The following XRCC5 variants were observed in gnomAD, a reference collection of about 807,000 sequenced individuals.
The protein encoded by XRCC5 is DNA repair protein Ku80.
A neutral mutation model predicts 95.7 loss-of-function variants in XRCC5; 12 were observed. The observed-to-expected ratio is 0.13, with a 90% CI of 0.08 to 0.20. The LOEUF (loss-of-function observed/expected upper bound fraction) is 0.20. Among genes scored for constraint, XRCC5 ranks in the 10% least tolerant of loss-of-function variants. The pLI is 1.00. For synonymous variants in XRCC5, 281 were observed against 290.3 expected (o/e 0.97, Z 0.33); for missense variants, 595 against 873.9 (o/e 0.68, Z 4.02).
chr2:216,195,383 T>TTCTTTTCTTTTCTTTTCTTC (rs1456205510), intron 19 of XRCC5, among the ~76,000 whole-genome samples: 4 of 140,394 alleles, frequency 2.8e-5, no homozygotes, highest in African/African-American at 5.2e-5. Context: ...TTCTTTTCTT[T>TTCTTTTCTTTTCTTTTCTTC]TCTTTTCTCT....
At chr2:216,187,821 A>ACACACACACT (rs1312215177) in intron 16 of XRCC5, among the ~76,000 whole-genome samples, 1 of 47,968 alleles carries the variant, frequency 2.1e-5, no homozygotes, top group Non-Finnish European at 3.6e-5. Context: ...ACACACACAC[A>ACACACACACT]CTCTCTCTCT....
intron 2 of XRCC5, among the ~76,000 whole-genome samples, chr2:216,114,656 C>T (rs1030490120): frequency 2.6e-5 from 4 of 152,154 alleles, no homozygotes; most frequent in Non-Finnish European, 5.9e-5. Context: ...GGGCATAAAA[C>T]TATCACTGTA....
chr2:216,161,969 T>C lies in XRCC5; in HGVS notation c.1765-10T>C, dbSNP rs1056026772. On this transcript the variant is annotated splice_polypyrimidine_tract_variant and intron_variant, in intron 15 of 20. Coordinates refer to ENST00000392132, the MANE Select transcript of XRCC5 (RefSeq NM_021141.4). ...AACCTGTAGGTTTATCATCTGTTGG[T>C]ATATTTTAGGTTGGAAGTGTGAATC... The C allele has an allele frequency of 5.6e-6, 9 of 1,613,170 alleles. No individual in the cohort carries two copies. The highest frequency in any genetic ancestry group is 1.3e-5 in the African/African-American group (1 of 74,890).
intron 4 of XRCC5, 46 bp downstream of exon 4, chr2:216,117,840 A>G: frequency 6.3e-7 from 1 of 1,576,356 alleles, no homozygotes; most frequent in Non-Finnish European, 8.7e-7. Flanking sequence ...TTTTTGCAAA[A>G]ATTGTATGGG....
chr2:216,187,434 T>C (rs984433200), intron 16 of XRCC5, among the ~76,000 whole-genome samples: 8 of 150,552 alleles, frequency 5.3e-5, no homozygotes, highest in African/African-American at 2.0e-4. Context: ...TATTTTTGTT[T>C]CTTTTGAATA....
chr2:216,198,456 T>C (rs1221911430), intron 19 of XRCC5, among the ~76,000 whole-genome samples: 1 of 152,242 alleles, frequency 6.6e-6, no homozygotes, highest in Admixed American at 6.5e-5. Flanking sequence ...ATTATGCTTT[T>C]GTGTCTGCTT....
intron 13 of XRCC5, among the ~76,000 whole-genome samples, chr2:216,144,656 A>G (rs1164259322): frequency 6.6e-6 from 1 of 152,228 alleles, no homozygotes; most frequent in Admixed American, 6.5e-5. Flanking sequence ...TTATTTTCAC[A>G]AGTGTTAAAT....
intron 16 of XRCC5, among the ~76,000 whole-genome samples, chr2:216,187,861 T>TCTCTCTCTCTCCCCCC (rs143232624): frequency 6.0e-5 from 7 of 116,270 alleles, no homozygotes; most frequent in African/African-American, 2.9e-4. Context: ...TCTCTCTCTC[T>TCTCTCTCTCTCCCCCC]CCCCGTCTCC....
In XRCC5 at chr2:216,160,152, T is replaced by C; in HGVS notation, c.1755T>C (p.Ser585=). 1.2e-6 allele frequency: 2 copies of C among 1,606,400 alleles called. No homozygotes were observed. The highest frequency in any genetic ancestry group is 1.1e-5 in the South Asian group (1 of 90,146). ...HFSVSSLAEG[S]VTSVGSVNPA... is the part of the protein sequence containing the mutation. ...GCGTCTCCAGTCTGGCTGAAGGCAG[T>C]GTCACCTCTGTAAGCTAAGCTTTTC... Residue 585 remains serine, a synonymous_variant, in exon 15 of 21, where the codon AGT becomes AGC. Coordinates refer to ENST00000392132, the MANE Select transcript of XRCC5 (RefSeq NM_021141.4).
At position 216,116,749 on chromosome 2, in the gene XRCC5, A is replaced by T; in HGVS notation, c.226A>T (p.Asn76Tyr). 6.2e-7 allele frequency: 1 copy of T among 1,614,256 alleles called. No individual in the cohort carries two copies. The highest frequency in any genetic ancestry group is 1.1e-5 in the South Asian group (1 of 91,088). Residue 76 changes from asparagine (N) to tyrosine (Y), a missense_variant, in exon 3 of 21, where the codon AAC becomes TAC. Asn to Tyr is a moderately radical substitution (Grantham distance 143). Transcript: ENST00000392132. ...CCTTTCTGGTGGGGATCAGTATCAG[A>T]ACATCACAGTGCACAGACATCTGAT... is the stretch of plus-strand genomic sequence containing the variant. ...NPLSGGDQYQ[N>Y]ITVHRHLMLP...
At chr2:216,175,196 G>A (rs1689250081) in intron 16 of XRCC5, 1 of 367,860 alleles carries the variant, frequency 2.7e-6, no homozygotes, top group Non-Finnish European at 5.3e-6. Flanking sequence ...CTGTAGGCAG[G>A]CCCACCACCA....
At chr2:216,110,401 ATGT>A (rs981490838) in intron 1 of XRCC5, 48 of 152,228 alleles carry the variant, frequency 3.2e-4, no homozygotes, top group African/African-American at 1.2e-3. Context: ...TCATTGAGAA[ATGT>A]TGATTAAAAC....
At chr2:216,116,886 T>C in intron 3 of XRCC5, 44 bp downstream of exon 3, 1 of 1,599,246 alleles carries the variant, frequency 6.3e-7, no homozygotes, top group Non-Finnish European at 8.5e-7. Flanking sequence ...ATTTCCTTTA[T>C]TCTGGGAATC....
intron 16 of XRCC5, among the ~76,000 whole-genome samples, chr2:216,183,336 C>G (rs1423289806): frequency 6.6e-6 from 1 of 152,064 alleles, no homozygotes; most frequent in African/African-American, 2.4e-5. Context: ...AATGAAAAGG[C>G]ACCATTTAAA....
chr2:216,119,146 G>T lies in XRCC5; in HGVS notation c.472G>T (p.Asp158Tyr), dbSNP rs1696754520. Residue 158 changes from aspartate (D) to tyrosine (Y), a missense_variant, in exon 5 of 21, where the codon GAC becomes TAC. Physicochemically the swap from Asp to Tyr is radical, Grantham distance 160. Transcript: ENST00000392132. Reference sequence around the variant, plus strand: ...TATAATTCATAGCTTGAAGAAATGTGACATCTCCCTGCAATTCTTGTAAGA... The same window carrying T: ...TATAATTCATAGCTTGAAGAAATGTTACATCTCCCTGCAATTCTTGTAAGA... ...DIIIHSLKKC[D>Y]ISLQFFLPFS... 6.2e-7 allele frequency: 1 copy of T among 1,614,046 alleles called. No individual in the cohort carries two copies. Among genetic ancestry groups the T allele is most frequent in the East Asian group, 2.2e-5 (1 of 44,870 alleles).
At chr2:216,133,365 C>T (rs1313901788) in intron 10 of XRCC5, among the ~76,000 whole-genome samples, 3 of 152,174 alleles carry the variant, frequency 2.0e-5, no homozygotes, top group African/African-American at 7.2e-5. Flanking sequence ...TTTTAAGAGA[C>T]AAGATCTCAT....
chr2:216,129,674 A>C (rs828705), intron 8 of XRCC5, among the ~76,000 whole-genome samples: 39,698 of 152,084 alleles, frequency 0.26, 6,500 homozygotes, highest in Non-Finnish European at 0.36. Flanking sequence ...CATGGAAATA[A>C]AAATGTGTTT....
At chr2:216,116,184 G>A (rs1696692185) in intron 2 of XRCC5, among the ~76,000 whole-genome samples, 1 of 152,084 alleles carries the variant, frequency 6.6e-6, no homozygotes, top group South Asian at 2.1e-4. Flanking sequence ...CAGTGCTGAA[G>A]TGTAAACTTC....
chr2:216,125,257 G>A (rs1326649354), intron 6 of XRCC5, among the ~76,000 whole-genome samples: 1 of 151,206 alleles, frequency 6.6e-6, no homozygotes, highest in Non-Finnish European at 1.5e-5. Flanking sequence ...GAGTGCAATG[G>A]CGCGATCTCA....
Sources: allele counts gnomAD v4.1 joint callset (sites outside exome capture counted in the v4.1 genomes callset), GRCh38; gene constraint gnomAD v4.1.1; transcripts MANE v1.5; gene names NCBI Gene and HGNC (gene_info 2026-07-23, HGNC 2026-07-21).